The following CSMD1 variants were observed in gnomAD, a reference collection of about 807,000 sequenced individuals.
CSMD1 encodes CUB and sushi domain-containing protein 1.
CSMD1 carries 213 observed loss-of-function variants against 417.5 expected under a neutral mutation model. That is an observed-to-expected ratio of 0.51 (90% CI 0.46 to 0.57). The LOEUF is 0.57. Among genes scored for constraint, CSMD1 ranks in the 20% least tolerant of loss-of-function variants. CSMD1 has a pLI of 0.00. For missense variants in CSMD1, 6,923 were observed against 4,529.7 expected (o/e 1.53, Z -15.17); for synonymous variants, 2,862 against 1,736.8 (o/e 1.65, Z -16.11).
At chr8:3,365,541 C>T (rs1376324897) in intron 20 of CSMD1, among the ~76,000 whole-genome samples, 1 of 152,176 alleles carries the variant, frequency 6.6e-6, no homozygotes, top group Admixed American at 6.5e-5. Flanking sequence ...AATACATTGA[C>T]AATTTTTTGG....
chr8:4,607,696 T>G (rs1488012684), intron 2 of CSMD1, among the ~76,000 whole-genome samples: 1 of 152,218 alleles, frequency 6.6e-6, no homozygotes, highest in East Asian at 1.9e-4. Flanking sequence ...CCAGCAATCT[T>G]CGTGAGTATT....
intron 5 of CSMD1, among the ~76,000 whole-genome samples, chr8:3,873,390 C>A (rs1190341480): frequency 2.0e-5 from 3 of 152,022 alleles, no homozygotes; most frequent in Non-Finnish European, 2.9e-5. Context: ...AAAATGAGAT[C>A]ATGTCCTTGG....
intron 1 of CSMD1, among the ~76,000 whole-genome samples, chr8:4,733,514 G>C (rs565364389): frequency 1.3e-5 from 2 of 152,178 alleles, no homozygotes; most frequent in Non-Finnish European, 2.9e-5. Flanking sequence ...CCTCTCAATG[G>C]TGCAACAAGG....
chr8:4,955,236 A>G (rs989257297), intron 1 of CSMD1, among the ~76,000 whole-genome samples: 21 of 152,310 alleles, frequency 1.4e-4, no homozygotes, highest in African/African-American at 5.1e-4. Flanking sequence ...GAAATGTTGC[A>G]ATGCATCTTT....
chr8:3,475,203 C>T (rs1256452971), intron 11 of CSMD1, among the ~76,000 whole-genome samples: 2 of 152,118 alleles, frequency 1.3e-5, no homozygotes, highest in Non-Finnish European at 2.9e-5. Flanking sequence ...ATTTTTGCCT[C>T]TAGGTCATCA....
chr8:4,017,561 C>T (rs1226180161), intron 4 of CSMD1, among the ~76,000 whole-genome samples: 1 of 152,300 alleles, frequency 6.6e-6, no homozygotes, highest in East Asian at 1.9e-4. Flanking sequence ...CCACCTTGGT[C>T]TCCCAAAGTG....
At chr8:4,980,533 G>A (rs1343778016) in intron 1 of CSMD1, among the ~76,000 whole-genome samples, 1 of 152,182 alleles carries the variant, frequency 6.6e-6, no homozygotes, top group Non-Finnish European at 1.5e-5. Context: ...TGCCTTTTGG[G>A]TGAGATATTG....
chr8:4,074,452 C>G (rs1182536628), intron 3 of CSMD1, among the ~76,000 whole-genome samples: 1 of 152,024 alleles, frequency 6.6e-6, no homozygotes, highest in South Asian at 2.1e-4. Context: ...TTCAGAGAAG[C>G]ATTTGTCCAT....
chr8:3,599,761 T>C (rs945343015), intron 8 of CSMD1, among the ~76,000 whole-genome samples: 3 of 152,184 alleles, frequency 2.0e-5, no homozygotes, highest in African/African-American at 7.2e-5. Context: ...TTTCACCAGG[T>C]GGTCCTTCCC....
chr8:3,832,473 G>T (rs974178338), intron 5 of CSMD1, among the ~76,000 whole-genome samples: 1 of 151,864 alleles, frequency 6.6e-6, no homozygotes, highest in African/African-American at 2.4e-5. Flanking sequence ...TTTGTTTCTT[G>T]TTCTAAATGT....
chr8:4,192,195 ATC>A (rs1799071416), intron 3 of CSMD1, among the ~76,000 whole-genome samples: 2 of 152,218 alleles, frequency 1.3e-5, no homozygotes, highest in African/African-American at 4.8e-5. Context: ...GGCTTTAAAA[ATC>A]AAAGTTAAAA....
chr8:3,902,402 G>C (rs1295877975), intron 5 of CSMD1, among the ~76,000 whole-genome samples: 2 of 152,092 alleles, frequency 1.3e-5, no homozygotes, highest in East Asian at 3.9e-4. Flanking sequence ...ATCTTCCTAA[G>C]GCAGCAGTCC....
intron 5 of CSMD1, among the ~76,000 whole-genome samples, chr8:3,809,483 G>C (rs941111426): frequency 2.0e-5 from 3 of 152,152 alleles, no homozygotes; most frequent in East Asian, 1.9e-4. Context: ...ACTGGGCTGC[G>C]TGATCCTTCA....
At chr8:4,174,104 G>C (rs539792284) in intron 3 of CSMD1, among the ~76,000 whole-genome samples, 2 of 152,276 alleles carry the variant, frequency 1.3e-5, no homozygotes, top group Admixed American at 6.5e-5. Context: ...GACTCACAGA[G>C]TGGAGGGTAG....
Position 2,955,605 on chromosome 8 carries a change from C to G in CSMD1, c.9978G>C (p.Lys3326Asn). ...ATGACTTACTTTTACACACAGGCGA[C>G]TTTCCTGTCCATTTCATGTCTGCTT... ...TCKADMKWTG[K>N]SPVCKSKGVR... The change falls in exon 64 of 70, where the codon AAG becomes AAC. Residue 3326 changes from lysine to asparagine, a missense_variant. Transcript: ENST00000635120. 6.2e-7 allele frequency: 1 copy of G among 1,613,658 alleles called. No homozygotes were observed. The highest frequency in any genetic ancestry group is 8.5e-7 in the Non-Finnish European group (1 of 1,179,706).
chr8:3,058,441 C>A lies in CSMD1; in HGVS notation c.7475-5794G>T, dbSNP rs561047457. Among the ~76,000 whole-genome samples the A allele has an allele frequency of 3.3e-5, 5 of 152,290 alleles. No homozygotes were observed. In the South Asian group the frequency reaches 1.0e-3, roughly 32 times the overall value. On this transcript the variant is annotated intron_variant, in intron 49 of 69. Coordinates refer to ENST00000635120, the MANE Select transcript of CSMD1 (RefSeq NM_033225.6). ...ATTTGCATTACCAACTTTCTTGATA[C>A]ACGAAAACAATCACTAGTTAATTTT...
intron 4 of CSMD1, among the ~76,000 whole-genome samples, chr8:4,028,962 C>G (rs1797204892): frequency 6.6e-6 from 1 of 152,048 alleles, no homozygotes; most frequent in African/African-American, 2.4e-5. Context: ...GTAAAAATAG[C>G]AGTGTTGCAG....
intron 46 of CSMD1, among the ~76,000 whole-genome samples, chr8:3,098,385 TA>T (rs1223404317): frequency 1.3e-5 from 2 of 152,212 alleles, no homozygotes; most frequent in Non-Finnish European, 2.9e-5. Context: ...TTTTGAAAAG[TA>T]ATTTATTTCC....
At chr8:3,398,531 G>C (rs553348870) in intron 16 of CSMD1, among the ~76,000 whole-genome samples, 2 of 152,114 alleles carry the variant, frequency 1.3e-5, no homozygotes, top group African/African-American at 2.4e-5. Context: ...AAAACAAAAA[G>C]ATAATAATAC....
Sources: gnomAD v4.1 joint callset for allele counts (sites outside exome capture counted in the v4.1 genomes callset) on GRCh38, gnomAD v4.1.1 for gene constraint, MANE v1.5 for transcripts, NCBI Gene and HGNC (gene_info 2026-07-23, HGNC 2026-07-21) for gene names.